Variants in PKN2 observed in about 807,000 individuals in gnomAD.
The protein encoded by PKN2 is serine/threonine-protein kinase N2.
PKN2 carries 38 observed loss-of-function variants against 119.1 expected under a neutral mutation model. The observed-to-expected ratio is 0.32, with a 90% CI of 0.25 to 0.42. PKN2 has a LOEUF of 0.42. Ranked by LOEUF, PKN2 falls within the 10% of genes least tolerant of loss-of-function variation. The pLI is 1.00. For synonymous variants in PKN2, 390 were observed against 384.9 expected (o/e 1.01, Z -0.15); for missense variants, 850 against 1,165.1 (o/e 0.73, Z 3.94).
In PKN2 at chr1:88,809,751, G is replaced by T. The variant is rs147508902; in HGVS notation, c.2102+1976G>T. 9.9e-4 allele frequency among the ~76,000 whole-genome samples: 150 copies of T among 152,080 alleles called. No homozygotes were observed. In the Middle Eastern group the frequency reaches 0.024, roughly 24 times the overall value. On this transcript the variant is annotated intron_variant, in intron 15 of 21. Coordinates refer to ENST00000370521, the MANE Select transcript of PKN2 (RefSeq NM_006256.4). ...ATCCTCCTGCCTCAGCTTCCCATTG[G>T]GACCACAGGTGCATACAACTGATCC...
chr1:88,690,635 A>T (rs1666294648), intron 1 of PKN2, among the ~76,000 whole-genome samples: 1 of 152,216 alleles, frequency 6.6e-6, no homozygotes, highest in Non-Finnish European at 1.5e-5. Flanking sequence ...ATCTTGATGC[A>T]TGTCTAGCTT....
chr1:88,765,834 C>T (rs770393816), intron 3 of PKN2, among the ~76,000 whole-genome samples: 4 of 152,126 alleles, frequency 2.6e-5, no homozygotes, highest in Non-Finnish European at 4.4e-5. Context: ...CTCACTCTGT[C>T]GCCCAGGTTG....
chr1:88,742,343 C>T (rs1220867994), intron 2 of PKN2, among the ~76,000 whole-genome samples: 1 of 152,148 alleles, frequency 6.6e-6, no homozygotes, highest in Non-Finnish European at 1.5e-5. Flanking sequence ...GAAAACACTA[C>T]TGATATTTAG....
At position 88,771,926 on chromosome 1, in the gene PKN2, A is replaced by C. The variant is rs79541904; in HGVS notation, c.985+47A>C. On this transcript the variant is annotated intron_variant, in intron 6 of 21. Transcript: ENST00000370521. ...TTTTTTGTGTGTATTTTTGTCTATA[A>C]CTGGTTCTGATTTAATAATTGAAAG... 2.0e-3 allele frequency: 2,613 copies of C among 1,277,260 alleles called. 44 individuals are homozygous for C. The African/African-American group carries it at 0.033, about 16-fold the overall frequency. The allele number at this position is 1,277,260 out of a possible 1,614,324, so 79.1% of individuals were successfully genotyped here.
intron 1 of PKN2, among the ~76,000 whole-genome samples, chr1:88,698,354 C>T (rs1174081430): frequency 1.3e-5 from 2 of 152,074 alleles, no homozygotes; most frequent in African/African-American, 2.4e-5. Flanking sequence ...GTACAATGAA[C>T]GATGACTCAT....
At chr1:88,753,526 G>T (rs529181490) in intron 2 of PKN2, among the ~76,000 whole-genome samples, 1 of 152,150 alleles carries the variant, frequency 6.6e-6, no homozygotes, top group East Asian at 1.9e-4. Flanking sequence ...AATTTATAAA[G>T]AAAAGAGCTT....
chr1:88,823,009 A>G (rs1672358263), intron 17 of PKN2, among the ~76,000 whole-genome samples: 1 of 152,166 alleles, frequency 6.6e-6, no homozygotes, highest in South Asian at 2.1e-4. Context: ...GCTTCAGTCT[A>G]GGAGTTTGAG....
intron 2 of PKN2, among the ~76,000 whole-genome samples, chr1:88,752,373 T>C (rs557966528): frequency 1.9e-4 from 29 of 152,274 alleles, no homozygotes; most frequent in African/African-American, 6.5e-4. Context: ...AACATACTTA[T>C]TTCACAATCT....
intron 6 of PKN2, among the ~76,000 whole-genome samples, chr1:88,783,981 G>A (rs963296182): frequency 3.3e-5 from 5 of 152,108 alleles, no homozygotes; most frequent in African/African-American, 1.2e-4. Context: ...TATTCACATA[G>A]TGAGACTTCC....
intron 3 of PKN2, among the ~76,000 whole-genome samples, chr1:88,768,011 C>CAT (rs1557597757): frequency 1.7e-4 from 23 of 133,326 alleles, no homozygotes; most frequent in African/African-American, 8.2e-4. Flanking sequence ...GTACTGATTG[C>CAT]CTTAGTGATT....
intron 1 of PKN2, among the ~76,000 whole-genome samples, chr1:88,724,681 C>A (rs1570536057): frequency 7.6e-6 from 1 of 130,884 alleles, no homozygotes; most frequent in Admixed American, 7.0e-5. Flanking sequence ...AAGCAATTCT[C>A]CTGCCCCAGC....
intron 10 of PKN2, 23 bp from the exon 11 acceptor site, chr1:88,805,474 T>A (rs771542615): frequency 6.5e-7 from 1 of 1,546,600 alleles, no homozygotes; most frequent in East Asian, 2.3e-5. Flanking sequence ...ACTTGCTGTT[T>A]TTGTTTTTTT....
intron 2 of PKN2, among the ~76,000 whole-genome samples, chr1:88,753,180 A>G (rs1372841205): frequency 6.6e-6 from 1 of 152,176 alleles, no homozygotes; most frequent in African/African-American, 2.4e-5. Flanking sequence ...TGCAAAAGTA[A>G]TTGCAGTTTT....
intron 1 of PKN2, among the ~76,000 whole-genome samples, chr1:88,740,583 C>T (rs1668538770): frequency 6.6e-6 from 1 of 152,002 alleles, no homozygotes; most frequent in Non-Finnish European, 1.5e-5. Context: ...AAGGTGGCTA[C>T]TATTATTATT....
At chr1:88,807,945 CT>C (rs1368742771) in intron 15 of PKN2, among the ~76,000 whole-genome samples, 170 bp downstream of exon 15, 1 of 151,956 alleles carries the variant, frequency 6.6e-6, no homozygotes, top group Admixed American at 6.6e-5. Flanking sequence ...TTTTTTGCCC[CT>C]TTTTACCCTT....
chr1:88,698,887 G>T (rs1666648281), intron 1 of PKN2, among the ~76,000 whole-genome samples: 1 of 151,858 alleles, frequency 6.6e-6, no homozygotes, highest in Non-Finnish European at 1.5e-5. Flanking sequence ...ATTATTTTTA[G>T]TTTTTTTCTG....
chr1:88,759,673 T>G (rs1669359477), intron 2 of PKN2, among the ~76,000 whole-genome samples: 2 of 152,340 alleles, frequency 1.3e-5, no homozygotes, highest in South Asian at 4.1e-4. Context: ...ACCTCTTTAA[T>G]TTAATTAGAT....
At chr1:88,789,777 A>G (rs923640093) in intron 8 of PKN2, among the ~76,000 whole-genome samples, 2 of 152,000 alleles carry the variant, frequency 1.3e-5, no homozygotes, top group Non-Finnish European at 2.9e-5. Context: ...CTCACACTAC[A>G]TGAAAGAAGA....
At chr1:88,690,728 A>G (rs1251039983) in intron 1 of PKN2, among the ~76,000 whole-genome samples, 1 of 152,166 alleles carries the variant, frequency 6.6e-6, no homozygotes, top group Non-Finnish European at 1.5e-5. Flanking sequence ...CAAAAATGAA[A>G]TTTGTGTAAC....
Sources: allele counts gnomAD v4.1 joint callset (sites outside exome capture counted in the v4.1 genomes callset), GRCh38; gene constraint gnomAD v4.1.1; transcripts MANE v1.5; gene names NCBI Gene and HGNC (gene_info 2026-07-23, HGNC 2026-07-21).